Variants in FAT3 observed in about 807,000 individuals in gnomAD.
FAT3 encodes the protein protocadherin Fat 3.
FAT3 carries 95 observed loss-of-function variants against 310.2 expected under a neutral mutation model. The ratio of observed to expected loss-of-function variants is 0.31; its 90% confidence interval spans 0.26 to 0.36. FAT3 has a LOEUF of 0.36. Among genes scored for constraint, FAT3 ranks in the 10% least tolerant of loss-of-function variants. The pLI, the probability that FAT3 is intolerant of heterozygous loss-of-function variation, is 1.00. For synonymous variants in FAT3, 2,314 were observed against 2,192.9 expected, an observed-to-expected ratio of 1.06 and a Z score of -1.54; for missense variants, 5,408 against 5,715.6, an observed-to-expected ratio of 0.95 and a Z score of 1.74.
rs1328039173 is a variant in FAT3 at position 92,800,216 on chromosome 11, A to G, written c.7203A>G (p.Ser2401=). ...TTTTTAATCAGCTCATTTATGAGTC[A>G]TATGTGAGTGAATTAGCCCCCCGGG... is the stretch of plus-strand genomic sequence containing the variant. ...PPVFNQLIYE[S]YVSELAPRGH... Residue 2401 remains serine, a synonymous_variant, in exon 10 of 28, where the codon TCA becomes TCG. Coordinates refer to ENST00000525166, the MANE Select transcript of FAT3 (RefSeq NM_001367949.2). 2 of 1,614,026 alleles carry G rather than the reference A, an allele frequency of 1.2e-6. No homozygotes were observed. Among genetic ancestry groups the G allele is most frequent in the Non-Finnish European group, 1.7e-6 (2 of 1,179,880 alleles).
intron 13 of FAT3, among the ~76,000 whole-genome samples, chr11:92,815,350 G>T (rs536600365): frequency 6.8e-4 from 104 of 152,162 alleles, no homozygotes; most frequent in Non-Finnish European, 1.3e-3. Context: ...GAGGAGGGCA[G>T]ATCACAAGGT....
chr11:92,297,916 G>A (rs1946892901), intron 1 of FAT3, among the ~76,000 whole-genome samples: 1 of 152,112 alleles, frequency 6.6e-6, no homozygotes, highest in Non-Finnish European at 1.5e-5. Context: ...AAGTGGGATG[G>A]CAGTAATTTG....
At chr11:92,869,508 A>G (rs1457344430) in intron 22 of FAT3, among the ~76,000 whole-genome samples, 1 of 152,210 alleles carries the variant, frequency 6.6e-6, no homozygotes, top group Admixed American at 6.5e-5. Context: ...CTTCCTGGCT[A>G]TAGGGATGAA....
chr11:92,488,067 C>T (rs551156883), intron 2 of FAT3, among the ~76,000 whole-genome samples: 1 of 152,266 alleles, frequency 6.6e-6, no homozygotes, highest in East Asian at 1.9e-4. Context: ...CTCTGACTTG[C>T]TAGCAGATTT....
chr11:92,624,048 A>G lies in FAT3; in HGVS notation c.3608-73336A>G, dbSNP rs75248258. Among the ~76,000 whole-genome samples, 1,082 of 152,358 alleles carry G rather than the reference A, an allele frequency of 7.1e-3. 14 individuals are homozygous for G. The highest frequency in any genetic ancestry group is 0.025 in the African/African-American group (1,020 of 41,588). ...GATACAAATACAAATGGATACATAG[A>G]CAAACAAAATATGACCTCTGCTCCC... On this transcript the variant is annotated intron_variant, in intron 3 of 27. Coordinates refer to ENST00000525166, the MANE Select transcript of FAT3 (RefSeq NM_001367949.2).
intron 1 of FAT3, among the ~76,000 whole-genome samples, chr11:92,309,122 T>C (rs1947220826): frequency 1.3e-5 from 2 of 152,136 alleles, no homozygotes; most frequent in Admixed American, 6.5e-5. Context: ...TCCAGTTGCT[T>C]ATTTCAATTA....
intron 2 of FAT3, among the ~76,000 whole-genome samples, chr11:92,496,299 A>G (rs1452064870): frequency 6.6e-6 from 1 of 152,028 alleles, no homozygotes; most frequent in Non-Finnish European, 1.5e-5. Context: ...TTGCATGAAT[A>G]CAATATAGTG....
At chr11:92,586,206 A>G (rs774820687) in intron 3 of FAT3, among the ~76,000 whole-genome samples, 20 of 152,046 alleles carry the variant, frequency 1.3e-4, no homozygotes, top group Non-Finnish European at 2.2e-4. Flanking sequence ...ATAAATATAT[A>G]ATAGATACAA....
chr11:92,636,006 C>T (rs1018450118), intron 3 of FAT3, among the ~76,000 whole-genome samples: 1 of 152,036 alleles, frequency 6.6e-6, no homozygotes, highest in Admixed American at 6.6e-5. Flanking sequence ...CTCTGTCGCC[C>T]AGACTCGAAT....
chr11:92,509,807 G>A (rs1000194713), intron 2 of FAT3, among the ~76,000 whole-genome samples: 1 of 152,104 alleles, frequency 6.6e-6, no homozygotes, highest in East Asian at 1.9e-4. Context: ...AAATAATATA[G>A]AACAAAGGCA....
At position 92,837,644 on chromosome 11, in the gene FAT3, C is replaced by T; in HGVS notation, c.10225-19C>T. On this transcript the variant is annotated intron_variant, in intron 16 of 27. Coordinates refer to ENST00000525166, the MANE Select transcript of FAT3 (RefSeq NM_001367949.2). ...GAAGCGCTACACCTCTTTACTGTCA[C>T]CTCTTTGTACCTTGGCAGGTGTCTG... The T allele has an allele frequency of 1.2e-6, 2 of 1,613,128 alleles. No individual in the cohort carries two copies. Among genetic ancestry groups the T allele is most frequent in the Non-Finnish European group, 1.7e-6 (2 of 1,179,478 alleles).
At chr11:92,378,724 C>T (rs1018594448) in intron 2 of FAT3, among the ~76,000 whole-genome samples, 1 of 152,150 alleles carries the variant, frequency 6.6e-6, no homozygotes, top group Non-Finnish European at 1.5e-5. Context: ...AGCTGAGCAG[C>T]TTATAAATAA....
At position 92,352,443 on chromosome 11, in the gene FAT3, G is replaced by C. The variant is rs771007861; in HGVS notation, c.331G>C (p.Gly111Arg). The C allele has an allele frequency of 1.2e-6, 2 of 1,612,386 alleles. No individual in the cohort carries two copies. Among genetic ancestry groups the C allele is most frequent in the Non-Finnish European group, 1.7e-6 (2 of 1,179,454 alleles). ...DFCFLRIRTK[G>R]GNSAILNREI... Reference sequence around the variant, plus strand: ...CTGTTTTCTCAGAATAAGAACTAAAGGTGGCAATTCTGCCATATTAAATAG... The same window carrying C: ...CTGTTTTCTCAGAATAAGAACTAAACGTGGCAATTCTGCCATATTAAATAG... The change falls in exon 2 of 28, where the codon GGT (glycine) becomes CGT (arginine). Residue 111 changes from glycine (G) to arginine (R), a missense_variant. By Grantham distance (125) the Gly-to-Arg change is moderately radical. Coordinates refer to ENST00000525166, the MANE Select transcript of FAT3 (RefSeq NM_001367949.2).
intron 1 of FAT3, among the ~76,000 whole-genome samples, chr11:92,296,568 T>G (rs1481418667): frequency 1.3e-5 from 2 of 152,110 alleles, no homozygotes; most frequent in African/African-American, 4.8e-5. Context: ...AGGAAGCTGC[T>G]GGTGGCCACG....
At chr11:92,777,661 A>G (rs1347994227) in intron 7 of FAT3, among the ~76,000 whole-genome samples, 1 of 152,090 alleles carries the variant, frequency 6.6e-6, no homozygotes, top group African/African-American at 2.4e-5. Flanking sequence ...GTAGCAGGTA[A>G]TTTTGCATCC....
intron 3 of FAT3, among the ~76,000 whole-genome samples, chr11:92,564,723 T>G (rs1565416051): frequency 6.6e-6 from 1 of 151,460 alleles, no homozygotes; most frequent in Non-Finnish European, 1.5e-5. Context: ...GAACTCAGGA[T>G]TAAGGAACTC....
At chr11:92,562,492 G>T (rs1209626806) in intron 3 of FAT3, among the ~76,000 whole-genome samples, 1 of 152,164 alleles carries the variant, frequency 6.6e-6, no homozygotes, top group East Asian at 1.9e-4. Flanking sequence ...CTCACAATGT[G>T]TATAGGTCAG....
At chr11:92,523,628 C>T (rs1375483669) in intron 2 of FAT3, among the ~76,000 whole-genome samples, 1 of 152,130 alleles carries the variant, frequency 6.6e-6, no homozygotes. Flanking sequence ...TGTTTCTTGA[C>T]TCTTTTCACA....
intron 3 of FAT3, among the ~76,000 whole-genome samples, chr11:92,566,064 G>A (rs1288561950): frequency 6.6e-6 from 1 of 152,088 alleles, no homozygotes; most frequent in Non-Finnish European, 1.5e-5. Flanking sequence ...GGAAATAAAG[G>A]GTATTCAATT....
Sources: allele counts gnomAD v4.1 joint callset (sites outside exome capture counted in the v4.1 genomes callset), GRCh38; gene constraint gnomAD v4.1.1; transcripts MANE v1.5; gene names NCBI Gene and HGNC (gene_info 2026-07-23, HGNC 2026-07-21).